The following RNF144A variants were observed in gnomAD, a reference collection of about 807,000 sequenced individuals.
The protein encoded by RNF144A is E3 ubiquitin-protein ligase RNF144A.
A neutral mutation model predicts 38.7 loss-of-function variants in RNF144A; 11 were observed. That is an observed-to-expected ratio of 0.28 (90% CI 0.18 to 0.47). The LOEUF is 0.47. Among genes scored for constraint, RNF144A ranks in the 20% least tolerant of loss-of-function variants. The probability of loss-of-function intolerance (pLI) is 0.99; values close to 1 mark genes in which losing one functional copy is unlikely to be tolerated. For synonymous variants in RNF144A, 149 were observed against 143.9 expected, an observed-to-expected ratio of 1.04 and a Z score of -0.25; for missense variants, 316 against 377.2, an observed-to-expected ratio of 0.84 and a Z score of 1.34.
chr2:7,071,524 C>T (rs2103486340), downstream of RNF144A, among the ~76,000 whole-genome samples: 1 of 152,306 alleles, frequency 6.6e-6, no homozygotes, highest in South Asian at 2.1e-4. Flanking sequence ...ACATTTGGCT[C>T]AATTTCTCAA....
chr2:6,962,246 G>C lies in RNF144A; in HGVS notation c.-12+21099G>C, dbSNP rs954610893. 6.6e-6 allele frequency among the ~76,000 whole-genome samples: 1 copy of C among 152,172 alleles called. No homozygotes were observed. ...CCCCACCCTAATGATTTATTATGCA[G>C]GCGGGTTCTCTGCCTGAGCTCCACC... On this transcript the variant is annotated intron_variant, in intron 2 of 8. Coordinates refer to ENST00000320892, the MANE Select transcript of RNF144A (RefSeq NM_014746.6). The surrounding 1 kb of genome is among the most constrained non-coding windows in gnomAD (Gnocchi z 4.1).
chr2:7,000,868 A>T (rs1670051286), intron 3 of RNF144A, among the ~76,000 whole-genome samples: 1 of 150,674 alleles, frequency 6.6e-6, no homozygotes, highest in Non-Finnish European at 1.5e-5. Flanking sequence ...GTTTATATAT[A>T]TATATATAAT....
chr2:7,010,697 C>T (rs1458167657), intron 3 of RNF144A, among the ~76,000 whole-genome samples: 1 of 152,028 alleles, frequency 6.6e-6, no homozygotes, highest in Non-Finnish European at 1.5e-5. Context: ...TGGCTTACCC[C>T]CCTTTCTTCC....
intron 1 of RNF144A, among the ~76,000 whole-genome samples, chr2:6,925,989 A>G (rs1664840495): frequency 6.6e-6 from 1 of 152,252 alleles, no homozygotes; most frequent in South Asian, 2.1e-4. Context: ...GGCCAGCAAC[A>G]TAGCACTTAC....
intron 2 of RNF144A, among the ~76,000 whole-genome samples, chr2:6,993,280 A>G (rs1353317145): frequency 6.6e-6 from 1 of 152,086 alleles, no homozygotes; most frequent in Non-Finnish European, 1.5e-5. Flanking sequence ...AATCCAGCTC[A>G]TGGGGCTGGC....
intron 1 of RNF144A, among the ~76,000 whole-genome samples, chr2:6,919,019 C>T (rs574626110): frequency 6.6e-6 from 1 of 152,224 alleles, no homozygotes; most frequent in East Asian, 1.9e-4. Flanking sequence ...GAGAGTTGAG[C>T]CTGGCAGATA....
At chr2:7,037,331 G>A (rs2103458060) in intron 8 of RNF144A, among the ~76,000 whole-genome samples, 1 of 152,346 alleles carries the variant, frequency 6.6e-6, no homozygotes, top group East Asian at 1.9e-4. Context: ...GGCTAAGAAT[G>A]TGATCATTTG....
chr2:6,996,026 T>C (rs1669714747), intron 2 of RNF144A, among the ~76,000 whole-genome samples: 1 of 152,202 alleles, frequency 6.6e-6, no homozygotes, highest in African/African-American at 2.4e-5. Flanking sequence ...TAGGGAACTG[T>C]TTTGGGCAGT....
At chr2:7,019,480 T>A (rs369159419) in intron 5 of RNF144A, among the ~76,000 whole-genome samples, 1 of 152,178 alleles carries the variant, frequency 6.6e-6, no homozygotes, top group Non-Finnish European at 1.5e-5. Flanking sequence ...GCCTTTCAAG[T>A]CGTCTCTGAA....
In RNF144A at chr2:7,020,670, G is replaced by C. The variant is rs758031410; in HGVS notation, c.499G>C (p.Gly167Arg). Reference sequence around the variant, plus strand: ...GACCATGCCGATCACCTTCCTCCCCGGGGAGACCAGGTACCCTTTGTACAC... The same window carrying C: ...GACCATGCCGATCACCTTCCTCCCCCGGGAGACCAGGTACCCTTTGTACAC... ...PETMPITFLP[G>R]ETSAAFKMEE... The change falls in exon 6 of 9, where the codon GGG (glycine) becomes CGG (arginine). Residue 167 changes from glycine to arginine, a missense_variant. By Grantham distance (125) the Gly-to-Arg change is moderately radical. Coordinates refer to ENST00000320892, the MANE Select transcript of RNF144A (RefSeq NM_014746.6). The C allele has an allele frequency of 6.2e-7, 1 of 1,602,636 alleles. No individual in the cohort carries two copies.
chr2:7,067,505 C>A (rs309265), intron 6 of RNF144A, among the ~76,000 whole-genome samples: 2 of 152,054 alleles, frequency 1.3e-5, no homozygotes, highest in South Asian at 2.1e-4. Context: ...ATTGGCTGCC[C>A]TCTGGGCTCA....
chr2:6,941,370 G>A lies in RNF144A; in HGVS notation c.-12+223G>A, dbSNP rs951418224. Among the ~76,000 whole-genome samples the A allele has an allele frequency of 1.3e-5, 2 of 152,178 alleles. No homozygotes were observed. The highest frequency in any genetic ancestry group is 2.9e-5 in the Non-Finnish European group (2 of 68,026). On this transcript the variant is annotated intron_variant, in intron 2 of 8. Transcript: ENST00000320892. The surrounding 1 kb of genome is among the most constrained non-coding windows in gnomAD (Gnocchi z 6.5). ...TGCCATCATAGTTGTTTATACTTTG[G>A]AAAGATTTCCAGGTTTATTCATTTG...
At chr2:6,996,892 C>T (rs1289071029) in intron 2 of RNF144A, 24 bp from the exon 3 acceptor site, 4 of 1,606,208 alleles carry the variant, frequency 2.5e-6, no homozygotes, top group Non-Finnish European at 3.4e-6. Flanking sequence ...GGAGGTCTGA[C>T]CTTCCGTGCT....
intron 6 of RNF144A, among the ~76,000 whole-genome samples, chr2:7,063,132 G>C (rs1228000358): frequency 6.6e-6 from 1 of 152,210 alleles, no homozygotes; most frequent in African/African-American, 2.4e-5. Flanking sequence ...GGTAATCCAG[G>C]TAAGAAATTA....
intron 1 of RNF144A, among the ~76,000 whole-genome samples, chr2:6,934,227 G>T (rs1665400567): frequency 6.6e-6 from 1 of 152,100 alleles, no homozygotes; most frequent in Admixed American, 6.5e-5. Flanking sequence ...GTGAAATATG[G>T]TATCTTTTTA....
In RNF144A at chr2:6,941,055, G is replaced by A. The variant is rs1401873969; in HGVS notation, c.-104G>A. The A allele has an allele frequency of 6.6e-6, 1 of 152,240 alleles. No homozygotes were observed. The highest frequency in any genetic ancestry group is 2.4e-5 in the African/African-American group (1 of 41,446). 9.4% of individuals were successfully genotyped at this position (152,240 alleles called of 1,614,324 possible). A position where few individuals can be genotyped will look rare whatever the true frequency, so the allele number is the denominator to read the frequency against. On this transcript the variant is annotated 5_prime_UTR_variant, in exon 2 of 9. Coordinates refer to ENST00000320892, the MANE Select transcript of RNF144A (RefSeq NM_014746.6). The surrounding 1 kb of genome is among the most constrained non-coding windows in gnomAD (Gnocchi z 6.5). ...ATTTCTCCCTATGGGTGCCTGACCTGAGGGCAGAGACATCTGAGTGTGTAT... is the reference window on the plus strand; with the variant it reads ...ATTTCTCCCTATGGGTGCCTGACCTAAGGGCAGAGACATCTGAGTGTGTAT...
At chr2:6,924,644 A>C (rs1162828041) in intron 1 of RNF144A, among the ~76,000 whole-genome samples, 1 of 152,226 alleles carries the variant, frequency 6.6e-6, no homozygotes, top group Non-Finnish European at 1.5e-5. Context: ...CTCCCTTCCG[A>C]GTGCGGGCCT....
rs377209521 is a variant in RNF144A, at chr2:7,067,242, C to T, written c.735-974C>T. Among the ~76,000 whole-genome samples the T allele has an allele frequency of 6.8e-4, 104 of 152,286 alleles. 1 individual carries two copies. Among genetic ancestry groups the T allele is most frequent in the African/African-American group, 2.3e-3 (95 of 41,556 alleles). On this transcript the variant is annotated intron_variant, in intron 6 of 6. Coordinates refer to the RNF144A transcript ENST00000432850. ...CCTCCAAAATCTGGCAACCACACTC[C>T]AGACTAATATTTCCAATTTTCTCCA... is the stretch of plus-strand genomic sequence containing the variant.
intron 1 of RNF144A, among the ~76,000 whole-genome samples, chr2:6,935,883 G>A (rs1231034612): frequency 1.3e-5 from 2 of 152,252 alleles, no homozygotes; most frequent in Non-Finnish European, 1.5e-5. Context: ...GGACAGTGCT[G>A]CTCAAACGAC....
Sources: gnomAD v4.1 joint callset for allele counts (sites outside exome capture counted in the v4.1 genomes callset) on GRCh38, gnomAD v4.1.1 for gene constraint, Gnocchi (gnomAD v3.1) non-coding constraint, MANE v1.5 for transcripts, NCBI Gene and HGNC (gene_info 2026-07-23, HGNC 2026-07-21) for gene names.